The following LAMA2 variants were observed in gnomAD, a reference collection of about 807,000 sequenced individuals.
LAMA2 encodes the protein laminin subunit alpha-2.
LAMA2 carries 269 observed loss-of-function variants against 364.8 expected under a neutral mutation model. That is an observed-to-expected ratio of 0.74 (90% CI 0.67 to 0.82). The LOEUF is 0.82. Ranked by LOEUF, LAMA2 falls within the 40% of genes least tolerant of loss-of-function variation. The probability of loss-of-function intolerance (pLI) is 0.00; values close to 1 mark genes in which losing one functional copy is unlikely to be tolerated. For missense variants in LAMA2, 3,807 were observed against 3,873.2 expected, an observed-to-expected ratio of 0.98 and a Z score of 0.45; for synonymous variants, 1,379 against 1,370.6, an observed-to-expected ratio of 1.01 and a Z score of -0.14.
intron 14 of LAMA2, among the ~76,000 whole-genome samples, chr6:129,257,594 T>C (rs1171389528): frequency 6.6e-6 from 1 of 152,134 alleles, no homozygotes; most frequent in Non-Finnish European, 1.5e-5. Context: ...TGTATCTAGA[T>C]ACAGTTAATC....
intron 4 of LAMA2, among the ~76,000 whole-genome samples, chr6:129,136,190 C>A (rs1777782419): frequency 6.6e-6 from 1 of 151,972 alleles, no homozygotes; most frequent in Non-Finnish European, 1.5e-5. Flanking sequence ...TACAGGTCAC[C>A]CACCTGGGCA....
chr6:129,086,219 C>T (rs1361753042), intron 3 of LAMA2, among the ~76,000 whole-genome samples: 2 of 152,136 alleles, frequency 1.3e-5, no homozygotes, highest in African/African-American at 4.8e-5. Flanking sequence ...GTGCAGCATC[C>T]CTATTTATTA....
At chr6:129,226,946 CT>C (rs1258163632) in intron 12 of LAMA2, among the ~76,000 whole-genome samples, 1 of 152,172 alleles carries the variant, frequency 6.6e-6, no homozygotes, top group African/African-American at 2.4e-5. Flanking sequence ...TGGTTCCATT[CT>C]CCCCGCCACT....
At chr6:129,503,764 A>C (rs1785832904) in intron 60 of LAMA2, among the ~76,000 whole-genome samples, 1 of 152,208 alleles carries the variant, frequency 6.6e-6, no homozygotes, top group Non-Finnish European at 1.5e-5. Context: ...CTCCCCACCT[A>C]ACCACACAGT....
chr6:128,946,277 C>T (rs1780480378), intron 1 of LAMA2, among the ~76,000 whole-genome samples: 1 of 152,258 alleles, frequency 6.6e-6, no homozygotes, highest in African/African-American at 2.4e-5. Context: ...TACACCTAAC[C>T]TACTGAACAT....
intron 19 of LAMA2, among the ~76,000 whole-genome samples, chr6:129,289,173 A>G (rs978499608): frequency 3.3e-5 from 5 of 152,220 alleles, no homozygotes; most frequent in African/African-American, 9.7e-5. Context: ...TATAACCTGT[A>G]AATTGATCTT....
chr6:129,260,587 T>C (rs757461750), intron 14 of LAMA2, 124 bp from the exon 15 acceptor site: 18 of 753,450 alleles, frequency 2.4e-5, no homozygotes, highest in Middle Eastern at 3.0e-4. Flanking sequence ...ATGGTATTCA[T>C]CAGCTTCCTT....
At chr6:129,454,129 CTT>C in intron 46 of LAMA2, 24 bp from the exon 47 acceptor site, 2 of 1,606,564 alleles carry the variant, frequency 1.2e-6, no homozygotes, top group Non-Finnish European at 1.7e-6. Context: ...TCTGATATCT[CTT>C]GTTTTTGTAT....
In LAMA2 at chr6:129,512,424, G is replaced by T. The variant is rs771954617; in HGVS notation, c.8919G>T (p.Thr2973=). Residue 2973 remains threonine, a synonymous_variant, in exon 63 of 65, where the codon ACG becomes ACT. Coordinates refer to ENST00000421865, the MANE Select transcript of LAMA2 (RefSeq NM_000426.4). ...LVEFEFRTTT[T]TGVLLGISSQ... ...AATTTGAATTCCGCACAACTACAAC[G>T]ACTGGAGTTCTTCTGGGGATCAGTA... is the stretch of plus-strand genomic sequence containing the variant. The T allele has an allele frequency of 4.3e-6, 7 of 1,613,268 alleles. No individual in the cohort carries two copies. Among genetic ancestry groups the T allele is most frequent in the Non-Finnish European group, 5.9e-6 (7 of 1,179,296 alleles).
At chr6:129,182,340 A>C (rs962923472) in intron 10 of LAMA2, among the ~76,000 whole-genome samples, 8 of 151,638 alleles carry the variant, frequency 5.3e-5, no homozygotes, top group Non-Finnish European at 1.2e-4. Context: ...ATTATCTAGT[A>C]TCTTTGAAGG....
At chr6:129,108,391 CTT>C (rs1775955615) in intron 4 of LAMA2, among the ~76,000 whole-genome samples, 2 of 152,010 alleles carry the variant, frequency 1.3e-5, no homozygotes, top group African/African-American at 4.8e-5. Flanking sequence ...TCATTTTACT[CTT>C]AGCTTATTTT....
At chr6:129,037,549 G>A (rs1047578317) in intron 1 of LAMA2, among the ~76,000 whole-genome samples, 2 of 152,044 alleles carry the variant, frequency 1.3e-5, no homozygotes, top group Non-Finnish European at 2.9e-5. Flanking sequence ...ACATACACAT[G>A]TGTGTGTATG....
At chr6:129,187,220 T>C (rs1781280128) in intron 10 of LAMA2, among the ~76,000 whole-genome samples, 1 of 151,500 alleles carries the variant, frequency 6.6e-6, no homozygotes, top group African/African-American at 2.4e-5. Flanking sequence ...CAAAGAAATT[T>C]TGAAAAAACA....
chr6:129,290,492 GT>G (rs1789615155), intron 19 of LAMA2, among the ~76,000 whole-genome samples: 1 of 152,050 alleles, frequency 6.6e-6, no homozygotes, highest in South Asian at 2.1e-4. Flanking sequence ...TTATTTGTTT[GT>G]TTTTTAAAAG....
In LAMA2 at chr6:129,100,161, A is replaced by G. The variant is rs544304809; in HGVS notation, c.639+1746A>G. The stretch of plus-strand genomic sequence containing the variant: ...TACCCATTCTCTCCCTTCATTAATA[A>G]TGGTTCTCCATTCCTTAAACCAAGT... On this transcript the variant is annotated intron_variant, in intron 4 of 64. Coordinates refer to ENST00000421865, the MANE Select transcript of LAMA2 (RefSeq NM_000426.4). 5.3e-5 allele frequency among the ~76,000 whole-genome samples: 8 copies of G among 152,330 alleles called. 2 individuals are homozygous for G. In the South Asian group the frequency reaches 1.7e-3, roughly 32 times the overall value.
At chr6:129,201,447 G>T (rs776682659) in intron 12 of LAMA2, among the ~76,000 whole-genome samples, 1 of 152,090 alleles carries the variant, frequency 6.6e-6, no homozygotes, top group Non-Finnish European at 1.5e-5. Context: ...GCTAATGAAA[G>T]AATCACTAAA....
intron 4 of LAMA2, among the ~76,000 whole-genome samples, chr6:129,138,241 G>C (rs1777916805): frequency 6.6e-6 from 1 of 152,050 alleles, no homozygotes. Flanking sequence ...ATAAAGCTCT[G>C]AAAGGTAAGC....
At chr6:129,047,464 C>A (rs752861805) in intron 1 of LAMA2, among the ~76,000 whole-genome samples, 1 of 152,092 alleles carries the variant, frequency 6.6e-6, no homozygotes, top group African/African-American at 2.4e-5. Context: ...AAATTGGGAA[C>A]CTCAACTTTC....
intron 1 of LAMA2, among the ~76,000 whole-genome samples, chr6:128,933,260 G>C (rs1421162227): frequency 2.0e-5 from 3 of 150,806 alleles, no homozygotes; most frequent in East Asian, 1.9e-4. Flanking sequence ...GTGTGTGTGT[G>C]TGTGTCTGTG....
Sources: gnomAD v4.1 joint callset for allele counts (sites outside exome capture counted in the v4.1 genomes callset) on GRCh38, gnomAD v4.1.1 for gene constraint, MANE v1.5 for transcripts, NCBI Gene and HGNC (gene_info 2026-07-23, HGNC 2026-07-21) for gene names.